Variants in EPRS1 observed in about 807,000 individuals in gnomAD.
EPRS1 encodes the protein glutamyl-prolyl-tRNA synthetase 1.
EPRS1 carries 107 observed loss-of-function variants against 188.3 expected under a neutral mutation model. The observed-to-expected ratio is 0.57, with a 90% confidence interval of 0.49 to 0.67. EPRS1 has a LOEUF of 0.67. Ranked by LOEUF, EPRS1 falls within the 30% of genes least tolerant of loss-of-function variation. The probability of loss-of-function intolerance (pLI) is 0.00; values close to 1 mark genes in which losing one functional copy is unlikely to be tolerated. For synonymous variants in EPRS1, 596 were observed against 593.1 expected (o/e 1.00, Z -0.07); for missense variants, 1,577 against 1,802.2 (o/e 0.88, Z 2.26).
chr1:219,986,426 C>G (rs1030049070), intron 20 of EPRS1, among the ~76,000 whole-genome samples: 1 of 152,154 alleles, frequency 6.6e-6, no homozygotes, highest in South Asian at 2.1e-4. Context: ...TAATTTCCCC[C>G]ACTTGATCTG....
intron 18 of EPRS1, among the ~76,000 whole-genome samples, chr1:219,995,871 G>A (rs1350144621): frequency 6.6e-6 from 1 of 152,140 alleles, no homozygotes; most frequent in African/African-American, 2.4e-5. Context: ...TCTCCAGCCT[G>A]AGCCTAGGAC....
intron 2 of EPRS1, among the ~76,000 whole-genome samples, chr1:220,039,921 A>C (rs903655051): frequency 6.6e-6 from 1 of 152,064 alleles, no homozygotes; most frequent in African/African-American, 2.4e-5. Context: ...GCTTGAGGCC[A>C]GGGGTTCGAA....
intron 1 of EPRS1, among the ~76,000 whole-genome samples, chr1:220,044,091 G>C (rs1303008527): frequency 2.0e-5 from 3 of 152,180 alleles, no homozygotes; most frequent in Admixed American, 6.5e-5. Flanking sequence ...TATGCTCTTG[G>C]GTGGTATGGG....
intron 1 of EPRS1, among the ~76,000 whole-genome samples, 176 bp downstream of exon 1, chr1:220,046,167 G>A (rs1238523663): frequency 6.6e-6 from 1 of 152,110 alleles, no homozygotes; most frequent in Non-Finnish European, 1.5e-5. Context: ...GCACCTGCCG[G>A]GGACACGGGG....
intron 8 of EPRS1, among the ~76,000 whole-genome samples, chr1:220,023,592 C>T (rs982981419): frequency 6.6e-6 from 1 of 152,198 alleles, no homozygotes; most frequent in African/African-American, 2.4e-5. Flanking sequence ...TATTTACCCA[C>T]ATGCCAAAAG....
chr1:220,035,903 T>A (rs1662167318), intron 2 of EPRS1, among the ~76,000 whole-genome samples: 1 of 151,230 alleles, frequency 6.6e-6, no homozygotes, highest in African/African-American at 2.4e-5. Context: ...TCAAACCTCA[T>A]CCAAACCCAT....
intron 14 of EPRS1, 74 bp downstream of exon 14, chr1:220,007,128 T>C: frequency 1.5e-6 from 2 of 1,324,768 alleles, no homozygotes; most frequent in Non-Finnish European, 2.1e-6. Flanking sequence ...CTGAATTTGG[T>C]AATGTTTAAT....
At chr1:219,983,522 T>G (rs1660939953) in intron 21 of EPRS1, 124 bp from the exon 22 acceptor site, 1 of 650,384 alleles carries the variant, frequency 1.5e-6, no homozygotes, top group African/African-American at 1.8e-5. Flanking sequence ...CCCCTTAATG[T>G]GGGAGGTCAT....
chr1:219,997,040 A>AGAGTTTTACTT lies in EPRS1; in HGVS notation c.2483_2484insAAGTAAAACTC (p.Asp828GlufsTer17). 1 of 1,613,452 alleles carries AGAGTTTTACTT rather than the reference A, an allele frequency of 6.2e-7. No individual in the cohort carries two copies. The highest frequency in any genetic ancestry group is 8.5e-7 in the Non-Finnish European group (1 of 1,179,842). ...CCACCTCCCCTTGTGCAGCAACTTC[A>AGAGTTTTACTT]TCATACAGAGATTTACTTTCCAGAA... On this transcript the variant is annotated frameshift_variant, in exon 18 of 32. Transcript: ENST00000366923. LOFTEE classifies it high-confidence loss of function.
At chr1:220,039,992 G>T (rs1662262059) in intron 2 of EPRS1, among the ~76,000 whole-genome samples, 193 bp downstream of exon 2, 1 of 152,196 alleles carries the variant, frequency 6.6e-6, no homozygotes, top group African/African-American at 2.4e-5. Context: ...AATTAGCCAG[G>T]TGTGGAGGCA....
chr1:219,986,171 A>G (rs1457087383), intron 20 of EPRS1, among the ~76,000 whole-genome samples: 1 of 152,226 alleles, frequency 6.6e-6, no homozygotes, highest in Non-Finnish European at 1.5e-5. Flanking sequence ...TCTCAGTAAC[A>G]GCTTTTTCTT....
Position 220,028,466 on chromosome 1 carries a change from C to T in EPRS1, c.623+1920G>A, listed in dbSNP as rs1381369451. ...AGAATCGCTAAAACACACACACACG[C>T]GCACACACACACACACACAAAAGAA... On this transcript the variant is annotated intron_variant, in intron 6 of 31. Coordinates refer to ENST00000366923, the MANE Select transcript of EPRS1 (RefSeq NM_004446.3). Among the ~76,000 whole-genome samples, 9 of 31,050 alleles carry T rather than the reference C, an allele frequency of 2.9e-4. No individual in the cohort carries two copies. The African/African-American group carries it at 4.2e-3, about 14-fold the overall frequency. The allele number at this position is 31,050 out of a possible 152,430, so 20.4% of individuals were successfully genotyped here. A position where few individuals can be genotyped will look rare whatever the true frequency, so the allele number is the denominator to read the frequency against.
At chr1:220,018,114 A>C (rs1424862185) in intron 12 of EPRS1, 74 of 1,313,442 alleles carry the variant, frequency 5.6e-5, no homozygotes, top group Non-Finnish European at 7.4e-5. Context: ...AAATAAAAGC[A>C]TTAAGTAATA....
chr1:220,027,739 A>T (rs1662009263), intron 6 of EPRS1, among the ~76,000 whole-genome samples: 2 of 152,000 alleles, frequency 1.3e-5, no homozygotes, highest in Admixed American at 1.3e-4. Context: ...TCCCGACACT[A>T]TGGGAGGCCA....
intron 12 of EPRS1, among the ~76,000 whole-genome samples, chr1:220,014,078 A>C (rs1341921477): frequency 6.6e-6 from 1 of 152,224 alleles, no homozygotes; most frequent in East Asian, 1.9e-4. Context: ...CTGTAATCCC[A>C]GCACTTTGGT....
Position 220,018,444 on chromosome 1 carries a change from C to T in EPRS1, c.1494+5G>A, listed in dbSNP as rs1354809716. 5 of 1,602,536 alleles carry T rather than the reference C, an allele frequency of 3.1e-6. No homozygotes were observed. In the African/African-American group the frequency reaches 5.4e-5, roughly 17 times the overall value. On this transcript the variant is annotated splice_donor_5th_base_variant and intron_variant, in intron 12 of 31. Transcript: ENST00000366923. ...GAAAAGAAGGCAGAGAGTTAACATA[C>T]ATACCTTTTTGTTAAACGCCCAGAT...
At chr1:219,972,308 A>AG (rs1390551614) in intron 29 of EPRS1, among the ~76,000 whole-genome samples, 161 bp from the exon 30 acceptor site, 1 of 152,144 alleles carries the variant, frequency 6.6e-6, no homozygotes, top group East Asian at 1.9e-4. Context: ...AGTATATCAG[A>AG]GTTACCTTAT....
At chr1:220,006,026 G>T in intron 15 of EPRS1, 80 bp downstream of exon 15, 2 of 765,344 alleles carry the variant, frequency 2.6e-6, no homozygotes, top group Non-Finnish European at 4.0e-6. Context: ...TTTATCTGAG[G>T]ATCCGAAATA....
At chr1:219,975,869 T>C (rs1660768350) in intron 28 of EPRS1, among the ~76,000 whole-genome samples, 1 of 151,196 alleles carries the variant, frequency 6.6e-6, no homozygotes, top group Admixed American at 6.6e-5. Context: ...TCTACATATA[T>C]ATACATATTC....
Sources: allele counts gnomAD v4.1 joint callset (sites outside exome capture counted in the v4.1 genomes callset), GRCh38; gene constraint gnomAD v4.1.1; transcripts MANE v1.5; gene names NCBI Gene and HGNC (gene_info 2026-07-23, HGNC 2026-07-21).